The following ARAP1 variants were observed in gnomAD, a reference collection of about 807,000 sequenced individuals.
The protein encoded by ARAP1 is arf-GAP with Rho-GAP domain, ANK repeat and PH domain-containing protein 1.
Under a neutral mutation model 172.2 loss-of-function variants are expected in ARAP1, and 76 were observed. The ratio of observed to expected loss-of-function variants is 0.44; its 90% CI spans 0.37 to 0.53. ARAP1 has a LOEUF of 0.53. Ranked by LOEUF, ARAP1 falls within the 20% of genes least tolerant of loss-of-function variation. The probability of loss-of-function intolerance (pLI) is 0.00; values close to 1 mark genes in which losing one functional copy is unlikely to be tolerated. For synonymous variants in ARAP1, 804 were observed against 803.3 expected (o/e 1.00, Z -0.01); for missense variants, 1,686 against 1,977.5 (o/e 0.85, Z 2.80).
Position 72,685,574 on chromosome 11 carries a change from C to T in ARAP1, c.*90G>A, listed in dbSNP as rs750867288. The T allele has an allele frequency of 2.0e-5, 31 of 1,565,080 alleles. No homozygotes were observed. Among genetic ancestry groups the T allele is most frequent in the Non-Finnish European group, 2.5e-5 (28 of 1,136,378 alleles). ...GGTGCAGTTTCCCATGCACCCCCCG[C>T]TGGCTCACATCAGGCCTTGGAGCAT... On this transcript the variant is annotated 3_prime_UTR_variant, in exon 35 of 35. Transcript: ENST00000393609.
chr11:72,693,934 ACAC>A lies in ARAP1; in HGVS notation c.3695-132_3695-130del. 1 of 702,648 alleles carries A rather than the reference ACAC, an allele frequency of 1.4e-6. No homozygotes were observed. The highest frequency in any genetic ancestry group is 3.0e-5 in the East Asian group (1 of 33,892). The allele number at this position is 702,648 out of a possible 1,614,324, so 43.5% of individuals were successfully genotyped here. On this transcript the variant is annotated intron_variant, in intron 27 of 34. Coordinates refer to ENST00000393609, the MANE Select transcript of ARAP1 (RefSeq NM_001040118.3). The surrounding 1 kb of genome is among the most constrained non-coding windows in gnomAD (Gnocchi z 4.6). ...CCATATGCAAGTGCCACGACACAAA[ACAC>A]CACCATCATGACCACCCTTCCCATG...
Position 72,695,683 on chromosome 11 carries a change from C to A in ARAP1, c.3420+35G>T, listed in dbSNP as rs762394815. The A allele has an allele frequency of 6.2e-7, 1 of 1,614,110 alleles. No homozygotes were observed. The highest frequency in any genetic ancestry group is 2.2e-5 in the East Asian group (1 of 44,878). On this transcript the variant is annotated intron_variant, in intron 24 of 34. Coordinates refer to ENST00000393609, the MANE Select transcript of ARAP1 (RefSeq NM_001040118.3). This position sits in a 1 kb window ranked among gnomAD's most constrained non-coding sequence, Gnocchi z 4.4. ...GGTCACCGTCATCTGCAAGGATCAC[C>A]CCTGCCCTCCACTGCCCACTGGCCA...
At chr11:72,694,860 A>T (rs1183053022) in intron 27 of ARAP1, 120 bp downstream of exon 27, 2 of 803,816 alleles carry the variant, frequency 2.5e-6, no homozygotes, top group Non-Finnish European at 4.0e-6. Context: ...TGACAGCAAC[A>T]TGTCATCAAA....
intron 7 of ARAP1, among the ~76,000 whole-genome samples, chr11:72,711,881 G>A (rs191019257): frequency 6.6e-6 from 1 of 152,122 alleles, no homozygotes; most frequent in Admixed American, 6.5e-5. Flanking sequence ...TTTATTTGTA[G>A]AGACGAGGTC....
In ARAP1 at chr11:72,710,432, A is replaced by G; in HGVS notation, c.1369T>C (p.Tyr457His). ...LELRGFKNKLYVAVVGDKVQL... is the reference protein window; with the variant it reads ...LELRGFKNKLHVAVVGDKVQL... ...ACTTTGTCCCCGACCACGGCCACGTACAGCTTATTCTTGAAGCCACGAAGC... is the reference window on the plus strand; with the variant it reads ...ACTTTGTCCCCGACCACGGCCACGTGCAGCTTATTCTTGAAGCCACGAAGC... The change falls in exon 10 of 35, where the codon TAC becomes CAC. Residue 457 changes from tyrosine (Y) to histidine (H), a missense_variant. Physicochemically the swap from Tyr to His is moderately conservative, Grantham distance 83. Around this residue, in one of 5 missense-constraint regions of ARAP1, gnomAD observed 688 missense variants for 856.9 expected, o/e 0.80. Transcript: ENST00000393609. This position sits in a 1 kb window ranked among gnomAD's most constrained non-coding sequence, Gnocchi z 4.3. 1 of 1,614,096 alleles carries G rather than the reference A, an allele frequency of 6.2e-7. No individual in the cohort carries two copies.
chr11:72,708,124 G>A (rs1047564036), intron 11 of ARAP1: 7 of 151,984 alleles, frequency 4.6e-5, no homozygotes, highest in Admixed American at 4.6e-4. Flanking sequence ...CTCTTTCCCT[G>A]CCACCACCGA....
intron 3 of ARAP1, among the ~76,000 whole-genome samples, chr11:72,714,648 T>C (rs549183626): frequency 1.3e-4 from 20 of 152,248 alleles, no homozygotes; most frequent in Non-Finnish European, 2.5e-4. Context: ...AGGGAAGGAT[T>C]CGTGGAGAAG....
Position 72,727,083 on chromosome 11 carries a change from G to T in ARAP1, c.46C>A (p.Arg16=), listed in dbSNP as rs547657596. The T allele has an allele frequency of 1.9e-6, 3 of 1,597,186 alleles. No individual in the cohort carries two copies. In the South Asian group the frequency reaches 3.3e-5, roughly 18 times the overall value. ...DAALSVAEWL[R]ALHLEQYTGL... ...GTGTACTGCTCCAGGTGCAATGCCC[G>T]CAGCCACTCGGCCACCGATAGCGCA... Residue 16 remains arginine, a synonymous_variant, in exon 3 of 35, where the codon CGG becomes AGG. Coordinates refer to ENST00000393609, the MANE Select transcript of ARAP1 (RefSeq NM_001040118.3).
chr11:72,722,809 T>C (rs1275858709), intron 3 of ARAP1, among the ~76,000 whole-genome samples: 5 of 152,090 alleles, frequency 3.3e-5, no homozygotes, highest in African/African-American at 4.8e-5. Flanking sequence ...CCCTGGAACC[T>C]CACATCAGAA....
At position 72,734,582 on chromosome 11, in the gene ARAP1, C is replaced by T. The variant is rs75289896; in HGVS notation, c.-127-1985G>A. Among the ~76,000 whole-genome samples, 1,154 of 152,306 alleles carry T rather than the reference C, an allele frequency of 7.6e-3. 18 individuals carry two copies. The highest frequency in any genetic ancestry group is 0.026 in the African/African-American group (1,084 of 41,554). ...CAGGTATCCAAGTACTTTATATTAA[C>T]TCATTAAAGCCTCACAGCAGCCCCA... On this transcript the variant is annotated intron_variant, in intron 1 of 34. Coordinates refer to ENST00000393609, the MANE Select transcript of ARAP1 (RefSeq NM_001040118.3).
Position 72,688,173 on chromosome 11 carries a change from C to T in ARAP1, c.4070+282G>A, listed in dbSNP as rs184745695. Among the ~76,000 whole-genome samples, 259 of 152,124 alleles carry T rather than the reference C, an allele frequency of 1.7e-3. 1 individual carries two copies. Among genetic ancestry groups the T allele is most frequent in the South Asian group, 8.5e-3 (41 of 4,814 alleles). On this transcript the variant is annotated intron_variant, in intron 31 of 34. Coordinates refer to ENST00000393609, the MANE Select transcript of ARAP1 (RefSeq NM_001040118.3). Reference sequence around the variant, plus strand: ...TAATTTTTGTATTTTTTTGTAGAGACAAGGTCTCGCCATGTTGCCCAGGCT... The same window carrying T: ...TAATTTTTGTATTTTTTTGTAGAGATAAGGTCTCGCCATGTTGCCCAGGCT...
At chr11:72,750,505 A>C (rs529744602) in intron 1 of ARAP1, among the ~76,000 whole-genome samples, 8 of 149,802 alleles carry the variant, frequency 5.3e-5, no homozygotes, top group Non-Finnish European at 8.9e-5. Flanking sequence ...AACCCCTCTA[A>C]ACTGACCCCT....
intron 15 of ARAP1, 28 bp downstream of exon 15, chr11:72,702,877 G>A (rs764673551): frequency 1.9e-6 from 3 of 1,550,484 alleles, no homozygotes; most frequent in South Asian, 1.2e-5. Context: ...GCACAGCCTG[G>A]TGGACCCCCA....
At chr11:72,697,686 GCTCCTGATCC>G in intron 19 of ARAP1, 37 bp from the exon 20 acceptor site, 1 of 1,612,360 alleles carries the variant, frequency 6.2e-7, no homozygotes, top group South Asian at 1.1e-5. Context: ...CCCAGGTCTT[GCTCCTGATCC>G]CCAACCTGCT....
chr11:72,724,723 C>G (rs950108554), intron 3 of ARAP1, among the ~76,000 whole-genome samples: 1 of 152,196 alleles, frequency 6.6e-6, no homozygotes, highest in Non-Finnish European at 1.5e-5. Flanking sequence ...GACCCCAGGA[C>G]ACAGGAAGCC....
At chr11:72,713,054 G>C in intron 5 of ARAP1, 122 bp downstream of exon 5, 1 of 1,037,852 alleles carries the variant, frequency 9.6e-7, no homozygotes, top group East Asian at 2.4e-5. Flanking sequence ...GTGAGGTGGG[G>C]GAAGGGGAAG....
intron 1 of ARAP1, among the ~76,000 whole-genome samples, chr11:72,737,394 C>T (rs1858063016): frequency 6.6e-6 from 1 of 152,140 alleles, no homozygotes; most frequent in Non-Finnish European, 1.5e-5. Context: ...ACCATTTCAA[C>T]CCCAAGGTCA....
chr11:72,697,994 G>C lies in ARAP1; in HGVS notation c.2654C>G (p.Ser885Cys). Residue 885 changes from serine to cysteine, a missense_variant, in exon 19 of 35, where the codon TCT becomes TGT. Ser to Cys is a moderately radical substitution (Grantham distance 112). This residue lies in a region of ARAP1 where 274 missense variants were observed against 262.7 expected (regional missense o/e 1.04). Transcript: ENST00000393609. ...AGCACGGAGCTCCGAGCCACTGAGA[G>C]AGAACCAGCCCTCCTGGGCCCGCTG... is the stretch of plus-strand genomic sequence containing the variant. ...SLQRAQEGWF[S>C]LSGSELRAVF... 6.2e-7 allele frequency: 1 copy of C among 1,612,428 alleles called. No individual in the cohort carries two copies. The highest frequency in any genetic ancestry group is 8.5e-7 in the Non-Finnish European group (1 of 1,179,396).
Position 72,699,588 on chromosome 11 carries a change from C to T in ARAP1, c.2303-36G>A. Reference sequence around the variant, plus strand: ...TTTGGGCAGGGGAGCCATCAGGGAGCCCCCCACCACCTGAAAACCACCTCT... The same window carrying T: ...TTTGGGCAGGGGAGCCATCAGGGAGTCCCCCACCACCTGAAAACCACCTCT... On this transcript the variant is annotated intron_variant, in intron 16 of 34. Transcript: ENST00000393609. The surrounding 1 kb of genome is among the most constrained non-coding windows in gnomAD (Gnocchi z 4.2). 2.5e-6 allele frequency: 4 copies of T among 1,593,240 alleles called. No individual in the cohort carries two copies. The highest frequency in any genetic ancestry group is 3.4e-6 in the Non-Finnish European group (4 of 1,170,320).
Sources: gnomAD v4.1 joint callset for allele counts (sites outside exome capture counted in the v4.1 genomes callset) on GRCh38, gnomAD v4.1.1 for gene constraint, gnomAD v4.1.1 regional missense constraint, Gnocchi (gnomAD v3.1) non-coding constraint, MANE v1.5 for transcripts, NCBI Gene and HGNC (gene_info 2026-07-23, HGNC 2026-07-21) for gene names.